Variants in SAMMSON observed in about 807,000 individuals in gnomAD.
The protein encoded by SAMMSON is survival associated mitochondrial melanoma specific oncogenic non-coding RNA.
intron 4 of SAMMSON, among the ~76,000 whole-genome samples, chr3:70,213,795 G>T (rs79180085): frequency 6.6e-6 from 1 of 152,038 alleles, no homozygotes; most frequent in Non-Finnish European, 1.5e-5. Context: ...ATGATCAAAC[G>T]TGGTGAAAAT....
downstream of SAMMSON, among the ~76,000 whole-genome samples, chr3:70,393,363 G>C (rs535396927): frequency 6.6e-6 from 1 of 152,274 alleles, no homozygotes; most frequent in African/African-American, 2.4e-5. Context: ...AAAGTGCTTT[G>C]TACGATGCTT....
intron 4 of SAMMSON, among the ~76,000 whole-genome samples, chr3:70,196,000 A>T (rs140574059): frequency 1.3e-5 from 2 of 152,346 alleles, no homozygotes; most frequent in African/African-American, 4.8e-5. Context: ...TATATTAAGA[A>T]GCTTGGTGCT....
chr3:70,038,784 G>T (rs2067095710), intron 3 of SAMMSON, among the ~76,000 whole-genome samples: 1 of 152,134 alleles, frequency 6.6e-6, no homozygotes, highest in Admixed American at 6.6e-5. Flanking sequence ...GAGACTGAAT[G>T]AATAGAAACA....
intron 3 of SAMMSON, among the ~76,000 whole-genome samples, chr3:70,065,860 G>A (rs1242049697): frequency 5.3e-5 from 8 of 151,990 alleles, no homozygotes; most frequent in African/African-American, 7.3e-5. Context: ...ATTTTTCACC[G>A]CTGGTTGCCA....
At chr3:70,114,970 C>G (rs1383919853) in intron 4 of SAMMSON, among the ~76,000 whole-genome samples, 1 of 151,894 alleles carries the variant, frequency 6.6e-6, no homozygotes, top group African/African-American at 2.4e-5. Context: ...ATTGTAGAAT[C>G]AAGTATATGA....
intron 4 of SAMMSON, among the ~76,000 whole-genome samples, chr3:70,167,528 A>T (rs1017085066): frequency 6.6e-6 from 1 of 151,952 alleles, no homozygotes; most frequent in Non-Finnish European, 1.5e-5. Flanking sequence ...AGTGATTTTT[A>T]TCACTAGAAG....
At chr3:70,078,706 ATGAC>A (rs1234710796) in intron 4 of SAMMSON, among the ~76,000 whole-genome samples, 1 of 152,132 alleles carries the variant, frequency 6.6e-6, no homozygotes, top group Non-Finnish European at 1.5e-5. Context: ...TCTGGTTCAG[ATGAC>A]TCCGTAACAG....
intron 4 of SAMMSON, among the ~76,000 whole-genome samples, chr3:70,121,853 T>C (rs1482111404): frequency 2.0e-5 from 3 of 152,100 alleles, no homozygotes; most frequent in Non-Finnish European, 4.4e-5. Context: ...TAAGCTTGCA[T>C]TCTCCCATTT....
intron 4 of SAMMSON, among the ~76,000 whole-genome samples, chr3:70,222,099 T>C (rs1457304049): frequency 2.0e-5 from 3 of 152,176 alleles, no homozygotes; most frequent in Admixed American, 6.6e-5. Context: ...CCTTTAGGTT[T>C]CTCCCAGTGC....
intron 3 of SAMMSON, among the ~76,000 whole-genome samples, chr3:70,027,601 G>A (rs902828303): frequency 2.0e-5 from 3 of 152,206 alleles, no homozygotes; most frequent in Non-Finnish European, 4.4e-5. Context: ...GAGGGTTGGA[G>A]TAGGTTGATA....
intron 1 of SAMMSON, among the ~76,000 whole-genome samples, chr3:70,007,375 G>A (rs947040277): frequency 1.3e-5 from 2 of 152,150 alleles, no homozygotes; most frequent in African/African-American, 4.8e-5. Flanking sequence ...CTGTGGTTTT[G>A]ATTTGCATTT....
intron 4 of SAMMSON, chr3:70,206,752 G>C (rs1701295027): frequency 2.5e-6 from 1 of 397,618 alleles, no homozygotes; most frequent in Non-Finnish European, 4.4e-6. Context: ...GCATTAATGG[G>C]TTTCTCATCT....
intron 2 of SAMMSON, among the ~76,000 whole-genome samples, chr3:70,430,355 T>C (rs1213077623): frequency 6.6e-6 from 1 of 152,186 alleles, no homozygotes; most frequent in African/African-American, 2.4e-5. Context: ...GATGTGCTGC[T>C]GGATTCGGTA....
intron 9 of SAMMSON, among the ~76,000 whole-genome samples, chr3:70,371,423 GT>G (rs1157544697): frequency 6.6e-6 from 1 of 151,878 alleles, no homozygotes; most frequent in African/African-American, 2.4e-5. Flanking sequence ...ATTATTGATA[GT>G]AAGTCTTCCA....
chr3:70,418,788 C>T (rs528795785), intron 2 of SAMMSON, among the ~76,000 whole-genome samples: 4 of 152,266 alleles, frequency 2.6e-5, no homozygotes, highest in Admixed American at 2.0e-4. Flanking sequence ...CTCTCTGTTC[C>T]AGACAAGCCT....
chr3:70,253,095 C>T (rs1333531414), intron 6 of SAMMSON, among the ~76,000 whole-genome samples: 1 of 151,426 alleles, frequency 6.6e-6, no homozygotes, highest in Non-Finnish European at 1.5e-5. Context: ...AAAAAAAAAT[C>T]GAAGAGAAAC....
chr3:70,228,683 A>G (rs1007994687), intron 4 of SAMMSON, among the ~76,000 whole-genome samples: 3 of 151,526 alleles, frequency 2.0e-5, no homozygotes, highest in Non-Finnish European at 2.9e-5. Context: ...AAAACAAAAT[A>G]ACAGTTTTAC....
chr3:70,301,418 A>G (rs1438827219), intron 7 of SAMMSON, among the ~76,000 whole-genome samples: 1 of 152,054 alleles, frequency 6.6e-6, no homozygotes, highest in East Asian at 1.9e-4. Flanking sequence ...GCTTATCTGA[A>G]TCCTATGGTA....
At chr3:70,363,427 C>T (rs139774943) in intron 9 of SAMMSON, among the ~76,000 whole-genome samples, 304 of 152,000 alleles carry the variant, frequency 2.0e-3, no homozygotes, top group Non-Finnish European at 3.5e-3. Flanking sequence ...CCTAGAAAAA[C>T]CTAAAGACTC....
Sources: allele counts gnomAD v4.1 joint callset (sites outside exome capture counted in the v4.1 genomes callset), GRCh38; gene constraint gnomAD v4.1.1; transcripts MANE v1.5; gene names NCBI Gene and HGNC (gene_info 2026-07-23, HGNC 2026-07-21).